The following NUP85 variants were observed in gnomAD, a reference collection of about 807,000 sequenced individuals.
NUP85 encodes nuclear pore complex protein Nup85.
NUP85 carries 23 observed loss-of-function variants against 92.8 expected under a neutral mutation model. The ratio of observed to expected loss-of-function variants is 0.25; its 90% CI spans 0.18 to 0.35. The LOEUF is 0.35. Ranked by LOEUF, NUP85 falls within the 10% of genes least tolerant of loss-of-function variation. NUP85 has a pLI of 1.00. For missense variants in NUP85, 759 were observed against 822.8 expected (o/e 0.92, Z 0.95); for synonymous variants, 314 against 306.9 (o/e 1.02, Z -0.24).
At chr17:75,212,151 A>G in intron 4 of NUP85, 89 bp downstream of exon 4, 1 of 856,016 alleles carries the variant, frequency 1.2e-6, no homozygotes, top group Non-Finnish European at 1.8e-6. Context: ...ACTGTGAGGT[A>G]AAGTTTGATT....
At chr17:75,235,391 C>A (rs1242908808) in intron 18 of NUP85, 187 bp from the exon 19 acceptor site, 1 of 616,170 alleles carries the variant, frequency 1.6e-6, no homozygotes, top group South Asian at 2.1e-5. Context: ...CTCATCTCTA[C>A]ATTTTGTTCT....
intron 3 of NUP85, among the ~76,000 whole-genome samples, chr17:75,211,665 G>A (rs1397326474): frequency 6.6e-6 from 1 of 152,090 alleles, no homozygotes; most frequent in African/African-American, 2.4e-5. Context: ...CCAAAGTGCT[G>A]GGATTACACG....
rs115878984 is a variant in NUP85, at chr17:75,229,154, C to T, written c.1095-2186C>T. On this transcript the variant is annotated intron_variant, in intron 11 of 18. Coordinates refer to ENST00000245544, the MANE Select transcript of NUP85 (RefSeq NM_024844.5). The stretch of plus-strand genomic sequence containing the variant: ...AAGGTGACAAGTCTTCCTTCAATAA[C>T]CAAGAAGAGTTCCAGCTTAATGTCT... The T allele has an allele frequency of 2.2e-3, 2,119 of 985,378 alleles. 29 individuals carry two copies. In the African/African-American group the frequency reaches 0.035, roughly 16 times the overall value. The allele number at this position is 985,378 out of a possible 1,614,324, so 61.0% of individuals were successfully genotyped here. A position where few individuals can be genotyped will look rare whatever the true frequency, so the allele number is the denominator to read the frequency against.
chr17:75,228,579 A>C (rs2075914361), intron 11 of NUP85: 3 of 985,442 alleles, frequency 3.0e-6, no homozygotes, highest in Non-Finnish European at 1.2e-6. Flanking sequence ...TCTTGTGGGC[A>C]CTTGTTTTCT....
intron 11 of NUP85, chr17:75,229,141 C>G (rs920262274): frequency 2.1e-5 from 21 of 985,442 alleles, no homozygotes; most frequent in Non-Finnish European, 2.5e-5. Flanking sequence ...GGTGACAAGT[C>G]TTCCTTCAAT....
At chr17:75,228,016 G>GC in intron 11 of NUP85, 1 of 172,762 alleles carries the variant, frequency 5.8e-6, no homozygotes, top group Non-Finnish European at 1.2e-5. Context: ...AAGAATTAGT[G>GC]AGAATAACTT....
At chr17:75,220,458 C>G (rs916053813) in intron 7 of NUP85, among the ~76,000 whole-genome samples, 36 of 150,912 alleles carry the variant, frequency 2.4e-4, no homozygotes, top group Non-Finnish European at 4.4e-4. Context: ...TCACTGTGTT[C>G]CCCAGGCTGC....
chr17:75,224,515 C>T (rs188816492), intron 7 of NUP85, among the ~76,000 whole-genome samples: 1 of 151,854 alleles, frequency 6.6e-6, no homozygotes, highest in East Asian at 2.0e-4. Context: ...GGTAGAGGAA[C>T]ATGTTTTTCT....
chr17:75,227,326 G>GTTTTTTT (rs71159460), intron 11 of NUP85, among the ~76,000 whole-genome samples: 5 of 114,150 alleles, frequency 4.4e-5, no homozygotes, highest in South Asian at 2.6e-4. Context: ...TTGTTTCTGG[G>GTTTTTTT]TTTTTTTTTT....
At chr17:75,212,999 T>C in intron 4 of NUP85, 77 bp from the exon 5 acceptor site, 1 of 1,356,614 alleles carries the variant, frequency 7.4e-7, no homozygotes, top group South Asian at 1.2e-5. Context: ...GCTCAAGCCA[T>C]AGACCCTGGA....
intron 1 of NUP85, among the ~76,000 whole-genome samples, chr17:75,207,105 C>T (rs1365793447): frequency 6.6e-6 from 1 of 151,952 alleles, no homozygotes; most frequent in Non-Finnish European, 1.5e-5. Context: ...CGATGTGTAT[C>T]CTGAAAATTT....
rs2075319730 is a variant in NUP85 at position 75,213,001 on chromosome 17, G to C, written c.362-75G>C. 2.2e-6 allele frequency: 3 copies of C among 1,364,506 alleles called. No homozygotes were observed. The East Asian group carries it at 7.2e-5, about 33-fold the overall frequency. The allele number at this position is 1,364,506 out of a possible 1,614,324, so 84.5% of individuals were successfully genotyped here. On this transcript the variant is annotated intron_variant, in intron 4 of 18. Coordinates refer to ENST00000245544, the MANE Select transcript of NUP85 (RefSeq NM_024844.5). The stretch of plus-strand genomic sequence containing the variant: ...AAAATAAACAGAGGCTCAAGCCATA[G>C]ACCCTGGAATATTCAGCTATGACAA...
chr17:75,232,628 C>T (rs1333113894), intron 14 of NUP85, among the ~76,000 whole-genome samples: 1 of 152,164 alleles, frequency 6.6e-6, no homozygotes, highest in Admixed American at 6.5e-5. Flanking sequence ...GCCACACACA[C>T]TCATAGAGCC....
intron 7 of NUP85, among the ~76,000 whole-genome samples, chr17:75,221,440 A>C (rs1367409051): frequency 4.0e-5 from 6 of 151,614 alleles, no homozygotes; most frequent in Non-Finnish European, 1.5e-5. Flanking sequence ...TGCCCAGCCA[A>C]ATTTTTTTAT....
Position 75,231,337 on chromosome 17 carries a change from C to T in NUP85, c.1095-3C>T, listed in dbSNP as rs778646112. The T allele has an allele frequency of 5.6e-6, 9 of 1,614,056 alleles. No individual in the cohort carries two copies. The African/African-American group carries it at 6.7e-5, about 12-fold the overall frequency. On this transcript the variant is annotated splice_polypyrimidine_tract_variant and splice_region_variant and intron_variant, in intron 11 of 18. Coordinates refer to ENST00000245544, the MANE Select transcript of NUP85 (RefSeq NM_024844.5). The surrounding 1 kb of genome is among the most constrained non-coding windows in gnomAD (Gnocchi z 4.6). ...CTTCTTGCCTTGGTGTCTGAATCTG[C>T]AGCATCGCCCTGAGCAACTGGTGGT... is the stretch of plus-strand genomic sequence containing the variant.
At chr17:75,212,247 G>GTTTTTTTTT (rs1219393857) in intron 4 of NUP85, among the ~76,000 whole-genome samples, 185 bp downstream of exon 4, 1 of 3,672 alleles carries the variant, frequency 2.7e-4, no homozygotes, top group African/African-American at 3.4e-4. Context: ...TTTTGTTGTT[G>GTTTTTTTTT]TTTTTTTTTT....
In NUP85 at chr17:75,205,738, T is replaced by G; in HGVS notation, c.-24T>G. On this transcript the variant is annotated 5_prime_UTR_variant, in exon 1 of 19. Coordinates refer to ENST00000245544, the MANE Select transcript of NUP85 (RefSeq NM_024844.5). Reference sequence around the variant, plus strand: ...GGGAAGCATTGGCGTCCGAGCGACTTCTAGGAGCCTGGGGTTCGGCGCTAT... The same window carrying G: ...GGGAAGCATTGGCGTCCGAGCGACTGCTAGGAGCCTGGGGTTCGGCGCTAT... 1 of 1,614,092 alleles carries G rather than the reference T, an allele frequency of 6.2e-7. No individual in the cohort carries two copies.
chr17:75,234,032 C>A (rs973748534), intron 16 of NUP85, among the ~76,000 whole-genome samples: 3 of 147,300 alleles, frequency 2.0e-5, no homozygotes, highest in African/African-American at 7.6e-5. Context: ...CTGTGCCTGG[C>A]CAGTGCCTCC....
chr17:75,230,044 ATT>A (rs3082648), intron 11 of NUP85, among the ~76,000 whole-genome samples: 2 of 140,358 alleles, frequency 1.4e-5, no homozygotes, highest in African/African-American at 2.6e-5. Flanking sequence ...GGTGTACAAA[ATT>A]TTTTTTTTTT....
Sources: gnomAD v4.1 joint callset for allele counts (sites outside exome capture counted in the v4.1 genomes callset) on GRCh38, gnomAD v4.1.1 for gene constraint, Gnocchi (gnomAD v3.1) non-coding constraint, MANE v1.5 for transcripts, NCBI Gene and HGNC (gene_info 2026-07-23, HGNC 2026-07-21) for gene names.